Variants in UBR3 observed in about 807,000 individuals in gnomAD.
UBR3 encodes the protein E3 ubiquitin-protein ligase UBR3.
UBR3 carries 85 observed loss-of-function variants against 243.2 expected under a neutral mutation model. That is an observed-to-expected ratio of 0.35 (90% CI 0.29 to 0.42). The LOEUF (loss-of-function observed/expected upper bound fraction) is 0.42, where lower values mean the gene tolerates loss of function less well. UBR3 is among the 10% of genes least tolerant of loss of function. The pLI is 1.00. For synonymous variants in UBR3, 748 were observed against 799.8 expected, an observed-to-expected ratio of 0.94 and a Z score of 1.09; for missense variants, 1,686 against 2,300.8, an observed-to-expected ratio of 0.73 and a Z score of 5.47.
chr2:170,056,768 T>C (rs2091346098), intron 33 of UBR3, among the ~76,000 whole-genome samples: 1 of 152,240 alleles, frequency 6.6e-6, no homozygotes, highest in Non-Finnish European at 1.5e-5. Context: ...CATATCACAA[T>C]TATGTGTACA....
chr2:170,059,567 T>C (rs1412865832), intron 33 of UBR3, among the ~76,000 whole-genome samples: 1 of 152,198 alleles, frequency 6.6e-6, no homozygotes, highest in South Asian at 2.1e-4. Flanking sequence ...CATTGCTGTT[T>C]TGATATTTAG....
Position 169,836,029 on chromosome 2 carries a change from CTCTCTCTCTCTCTCTATA to C in UBR3, c.545+7979_545+7996del, listed in dbSNP as rs1419471857. Among the ~76,000 whole-genome samples, 98 of 26,752 alleles carry C rather than the reference CTCTCTCTCTCTCTCTATA, an allele frequency of 3.7e-3. 1 individual carries two copies. The highest frequency in any genetic ancestry group is 5.9e-3 in the Non-Finnish European group (80 of 13,492). 17.6% of individuals were successfully genotyped at this position (26,752 alleles called of 152,430 possible). A position where few individuals can be genotyped will look rare whatever the true frequency, so the allele number is the denominator to read the frequency against. On this transcript the variant is annotated intron_variant, in intron 1 of 38. Coordinates refer to ENST00000272793, the MANE Select transcript of UBR3 (RefSeq NM_172070.4). ...TCTCTCTCTCTCTCTCTCTCTCTCTCTCTCTCTCTCTCTCTATATATATATATATATATATATATTTTT... is the reference window on the plus strand; with the variant it reads ...TCTCTCTCTCTCTCTCTCTCTCTCTCTATATATATATATATATATATTTTT...
Position 169,895,182 on chromosome 2 carries a change from T to A in UBR3, c.1107T>A (p.Asp369Glu). Residue 369 changes from aspartate to glutamate, a missense_variant and splice_region_variant, in exon 7 of 39, where the codon GAT (aspartate) becomes GAA (glutamate). By Grantham distance (45) the Asp-to-Glu change is conservative. Coordinates refer to ENST00000272793, the MANE Select transcript of UBR3 (RefSeq NM_172070.4). The part of the protein sequence containing the change: ...KRVKLSSGTK[D>E]QSIMDVLKHK... ...ATAAATTTCATTTTTCATGTGCAGA[T>A]CAATCCATAATGGATGTTTTGAAGC... is the stretch of plus-strand genomic sequence containing the variant. 3.3e-6 allele frequency: 5 copies of A among 1,513,984 alleles called. No individual in the cohort carries two copies. The highest frequency in any genetic ancestry group is 4.4e-6 in the Non-Finnish European group (5 of 1,136,658). 93.8% of individuals were successfully genotyped at this position (1,513,984 alleles called of 1,614,324 possible). A position where few individuals can be genotyped will look rare whatever the true frequency, so the allele number is the denominator to read the frequency against.
chr2:169,894,283 A>G (rs939761529), intron 6 of UBR3, among the ~76,000 whole-genome samples: 5 of 132,172 alleles, frequency 3.8e-5, no homozygotes, highest in Non-Finnish European at 7.8e-5. Flanking sequence ...TGATTACGCC[A>G]CTGCACTCTG....
In UBR3 at chr2:169,877,680, A is replaced by G. The variant is rs919113251; in HGVS notation, c.988+43A>G. 12 of 1,501,760 alleles carry G rather than the reference A, an allele frequency of 8.0e-6. No homozygotes were observed. The Admixed American group carries it at 3.4e-4, about 43-fold the overall frequency. 93.0% of individuals were successfully genotyped at this position (1,501,760 alleles called of 1,614,324 possible). A position where few individuals can be genotyped will look rare whatever the true frequency, so the allele number is the denominator to read the frequency against. ...ATTTGAACAGTTGTAACTTTTCTGTATTAAAACCAAAAAAACCTCTCAAAC... is the reference window on the plus strand; with the variant it reads ...ATTTGAACAGTTGTAACTTTTCTGTGTTAAAACCAAAAAAACCTCTCAAAC... On this transcript the variant is annotated intron_variant, in intron 4 of 38. Transcript: ENST00000272793.
intron 24 of UBR3, among the ~76,000 whole-genome samples, chr2:169,983,190 T>C (rs926310023): frequency 6.6e-6 from 1 of 151,402 alleles, no homozygotes. Flanking sequence ...AGAGAAACTA[T>C]GCAAGATCAC....
chr2:169,858,673 C>A (rs1204391694), intron 1 of UBR3, among the ~76,000 whole-genome samples: 2 of 152,104 alleles, frequency 1.3e-5, no homozygotes, highest in Non-Finnish European at 2.9e-5. Context: ...GATCTCAGCT[C>A]ACTACAACTT....
chr2:169,891,656 G>C (rs911865786), intron 6 of UBR3, among the ~76,000 whole-genome samples: 3 of 144,624 alleles, frequency 2.1e-5, no homozygotes, highest in Admixed American at 1.4e-4. Context: ...TGAACAAATA[G>C]TACTTAACAC....
In UBR3 at chr2:169,886,664, C is replaced by T. The variant is rs563753304; in HGVS notation, c.1039-4501C>T. 6.6e-5 allele frequency among the ~76,000 whole-genome samples: 10 copies of T among 151,754 alleles called. No homozygotes were observed. The South Asian group carries it at 2.1e-3, about 32-fold the overall frequency. On this transcript the variant is annotated intron_variant, in intron 5 of 38. Coordinates refer to ENST00000272793, the MANE Select transcript of UBR3 (RefSeq NM_172070.4). Reference sequence around the variant, plus strand: ...ACATCTTTTGATAAGCATACCGTGTCTTCATTAAGGCCCAAAGCTTTTTGT... The same window carrying T: ...ACATCTTTTGATAAGCATACCGTGTTTTCATTAAGGCCCAAAGCTTTTTGT...
chr2:170,069,506 AAT>A (rs1431209228), intron 35 of UBR3, among the ~76,000 whole-genome samples: 2 of 152,104 alleles, frequency 1.3e-5, no homozygotes, highest in African/African-American at 4.8e-5. Context: ...AGTATTATTA[AAT>A]ATAGTCATCA....
In UBR3 at chr2:170,083,041, T is replaced by A. The variant is rs2091930719; in HGVS notation, c.*1198T>A. ...TGACATATTGCTACAAAGATTTTTTTTCCTAAATGATTCAGTAATTGAATG... is the reference window on the plus strand; with the variant it reads ...TGACATATTGCTACAAAGATTTTTTATCCTAAATGATTCAGTAATTGAATG... On this transcript the variant is annotated 3_prime_UTR_variant, in exon 39 of 39. Transcript: ENST00000272793. 6.6e-6 allele frequency: 1 copy of A among 152,632 alleles called. No homozygotes were observed. The highest frequency in any genetic ancestry group is 1.5e-5 in the Non-Finnish European group (1 of 68,020). The allele number at this position is 152,632 out of a possible 1,614,324, so 9.5% of individuals were successfully genotyped here.
intron 24 of UBR3, among the ~76,000 whole-genome samples, chr2:169,970,188 G>A (rs1030532074): frequency 1.5e-5 from 2 of 134,920 alleles, no homozygotes; most frequent in African/African-American, 5.5e-5. Flanking sequence ...GTGTTTTATA[G>A]TTTTCCTTGT....
intron 32 of UBR3, among the ~76,000 whole-genome samples, chr2:170,050,136 A>T (rs2091183919): frequency 6.6e-6 from 1 of 152,158 alleles, no homozygotes; most frequent in African/African-American, 2.4e-5. Flanking sequence ...ATGTTGACTA[A>T]GGCAAATGAA....
In UBR3 at chr2:169,949,690, C is replaced by A. The variant is rs992246045; in HGVS notation, c.3170C>A (p.Ala1057Glu). 1.8e-5 allele frequency: 28 copies of A among 1,551,404 alleles called. No individual in the cohort carries two copies. The highest frequency in any genetic ancestry group is 2.3e-5 in the Non-Finnish European group (26 of 1,146,722). ...QEIINRSSSEANQVVRPKTSS... is the reference protein window; with the variant it reads ...QEIINRSSSEENQVVRPKTSS... ...ATCATCAATCGCAGTAGCAGTGAAG[C>A]AAATCAGGTGGTTCGTCCCAAAACT... Residue 1057 changes from alanine (A) to glutamate (E), a missense_variant, in exon 23 of 39, where the codon GCA (alanine) becomes GAA (glutamate). Ala to Glu is a moderately radical substitution (Grantham distance 107). Coordinates refer to ENST00000272793, the MANE Select transcript of UBR3 (RefSeq NM_172070.4).
intron 11 of UBR3, among the ~76,000 whole-genome samples, chr2:169,919,000 A>C (rs1342951704): frequency 2.0e-5 from 3 of 152,174 alleles, no homozygotes; most frequent in Non-Finnish European, 4.4e-5. Flanking sequence ...AGCCTGAAGA[A>C]CCCAAGAAAA....
chr2:169,972,758 C>T (rs368752433), intron 24 of UBR3, among the ~76,000 whole-genome samples: 14 of 151,808 alleles, frequency 9.2e-5, no homozygotes, highest in South Asian at 4.2e-4. Context: ...ATTGATGGGA[C>T]GTATCTCAAA....
At chr2:169,897,098 C>T (rs1574148597) in intron 8 of UBR3, among the ~76,000 whole-genome samples, 2 of 151,950 alleles carry the variant, frequency 1.3e-5, no homozygotes, top group South Asian at 4.2e-4. Context: ...AAAAAGTTGC[C>T]ATAGTGTACA....
Position 170,074,101 on chromosome 2 carries a change from C to A in UBR3, c.5199+494C>A, listed in dbSNP as rs11894035. 4.7e-3 allele frequency among the ~76,000 whole-genome samples: 711 copies of A among 152,020 alleles called. 2 individuals are homozygous for A. Among genetic ancestry groups the A allele is most frequent in the Admixed American group, 0.013 (195 of 15,262 alleles). ...GCTGTGTATGCCATGGTTGGAGTCT[C>A]AGAATTCTAGAACTACAGTTTTTTA... On this transcript the variant is annotated intron_variant, in intron 36 of 38. Transcript: ENST00000272793.
intron 32 of UBR3, among the ~76,000 whole-genome samples, chr2:170,048,197 A>G (rs2091133711): frequency 1.3e-5 from 2 of 152,114 alleles, no homozygotes; most frequent in East Asian, 1.9e-4. Flanking sequence ...CATTTAGCCA[A>G]TCATCTGGGG....
Sources: gnomAD v4.1 joint callset for allele counts (sites outside exome capture counted in the v4.1 genomes callset) on GRCh38, gnomAD v4.1.1 for gene constraint, MANE v1.5 for transcripts, NCBI Gene and HGNC (gene_info 2026-07-23, HGNC 2026-07-21) for gene names.